Variants in CNTN5 observed in about 807,000 individuals in gnomAD.
CNTN5 encodes the protein contactin 5.
A neutral mutation model predicts 129.1 loss-of-function variants in CNTN5; 77 were observed. That is an observed-to-expected ratio of 0.60 (90% CI 0.50 to 0.72). The LOEUF is 0.72. CNTN5 is among the 30% of genes least tolerant of loss of function. The pLI, the probability that CNTN5 is intolerant of heterozygous loss-of-function variation, is 0.00. For missense variants in CNTN5, 1,478 were observed against 1,328.8 expected (o/e 1.11, Z -1.75); for synonymous variants, 509 against 465.6 (o/e 1.09, Z -1.20).
intron 8 of CNTN5, among the ~76,000 whole-genome samples, chr11:99,969,703 T>G (rs1045373145): frequency 2.0e-5 from 3 of 152,144 alleles, no homozygotes; most frequent in African/African-American, 7.2e-5. Context: ...TGGCAGTTTG[T>G]TCTCCCAAAC....
intron 2 of CNTN5, among the ~76,000 whole-genome samples, chr11:99,439,623 G>C (rs7122498): frequency 6.9e-6 from 1 of 143,948 alleles, no homozygotes; most frequent in Non-Finnish European, 1.5e-5. Flanking sequence ...CAGGAGAATC[G>C]CTTGAACCCG....
intron 10 of CNTN5, 123 bp from the exon 11 acceptor site, chr11:100,070,301 A>G (rs207472260): frequency 3.0e-6 from 3 of 1,007,450 alleles, no homozygotes; most frequent in African/African-American, 1.6e-5. Flanking sequence ...TGCTTCTTCA[A>G]AATACCTATG....
chr11:99,341,929 T>C (rs1013734930), intron 2 of CNTN5, among the ~76,000 whole-genome samples: 3 of 152,140 alleles, frequency 2.0e-5, no homozygotes, highest in Non-Finnish European at 4.4e-5. Context: ...AAAACACTGA[T>C]GTAATTAGCA....
chr11:99,722,835 C>T (rs889146388), intron 3 of CNTN5, among the ~76,000 whole-genome samples: 7 of 151,804 alleles, frequency 4.6e-5, no homozygotes, highest in Non-Finnish European at 8.8e-5. Flanking sequence ...GTATATGGGG[C>T]CTCCACTCCC....
chr11:99,418,623 T>G (rs1054867090), intron 2 of CNTN5, among the ~76,000 whole-genome samples: 1 of 152,322 alleles, frequency 6.6e-6, no homozygotes, highest in Non-Finnish European at 1.5e-5. Context: ...ACTAACCTGA[T>G]GCACTTCATT....
At chr11:99,917,085 T>A (rs1180940888) in intron 7 of CNTN5, among the ~76,000 whole-genome samples, 2 of 152,170 alleles carry the variant, frequency 1.3e-5, no homozygotes, top group Admixed American at 6.6e-5. Flanking sequence ...TTCTTAAGAC[T>A]TCTTTATCTT....
chr11:99,083,524 G>A (rs1237734537), intron 1 of CNTN5, among the ~76,000 whole-genome samples: 1 of 152,046 alleles, frequency 6.6e-6, no homozygotes, highest in African/African-American at 2.4e-5. Flanking sequence ...TTCCTAATTA[G>A]TGTATAATAT....
chr11:99,317,829 A>G (rs1197410151), intron 1 of CNTN5, among the ~76,000 whole-genome samples: 2 of 152,204 alleles, frequency 1.3e-5, no homozygotes, highest in Non-Finnish European at 2.9e-5. Context: ...TACTGTAAAA[A>G]AAAAGAAAAC....
chr11:99,535,165 T>G (rs1029701466), intron 2 of CNTN5, among the ~76,000 whole-genome samples: 4 of 152,034 alleles, frequency 2.6e-5, no homozygotes, highest in African/African-American at 7.2e-5. Flanking sequence ...TCTGTAAGTG[T>G]AAAAAACAAA....
At chr11:99,165,686 GT>G (rs1352659406) in intron 1 of CNTN5, among the ~76,000 whole-genome samples, 4 of 152,042 alleles carry the variant, frequency 2.6e-5, no homozygotes, top group Non-Finnish European at 4.4e-5. Context: ...AGAATGCAGG[GT>G]TTTTGCATTT....
At chr11:100,167,942 A>G (rs537381902) in intron 13 of CNTN5, among the ~76,000 whole-genome samples, 1 of 151,970 alleles carries the variant, frequency 6.6e-6, no homozygotes, top group Non-Finnish European at 1.5e-5. Context: ...AAATGATAAG[A>G]GTGCACAACA....
chr11:99,704,331 T>C (rs1301858829), intron 3 of CNTN5, among the ~76,000 whole-genome samples: 2 of 150,896 alleles, frequency 1.3e-5, no homozygotes, highest in African/African-American at 2.4e-5. Flanking sequence ...GAATTGGAGG[T>C]AAAAATTAAA....
intron 9 of CNTN5, among the ~76,000 whole-genome samples, chr11:100,010,125 G>A (rs1412832505): frequency 6.6e-6 from 1 of 152,100 alleles, no homozygotes; most frequent in African/African-American, 2.4e-5. Flanking sequence ...AATCCCTTAG[G>A]ACCCTAATAA....
chr11:99,597,821 C>T lies in CNTN5; in HGVS notation c.55+41552C>T, dbSNP rs142216112. ...CAATGAGTAATCACCCCACAGCTTTCTCCGGTATTTTTCACTTCTGGATGC... is the reference window on the plus strand; with the variant it reads ...CAATGAGTAATCACCCCACAGCTTTTTCCGGTATTTTTCACTTCTGGATGC... On this transcript the variant is annotated intron_variant, in intron 3 of 24. Coordinates refer to ENST00000524871, the MANE Select transcript of CNTN5 (RefSeq NM_014361.4). Among the ~76,000 whole-genome samples, 9 of 152,222 alleles carry T rather than the reference C, an allele frequency of 5.9e-5. No homozygotes were observed. The East Asian group carries it at 1.7e-3, about 29-fold the overall frequency.
At chr11:100,323,307 TTG>T (rs1951728702) in intron 21 of CNTN5, among the ~76,000 whole-genome samples, 1 of 152,224 alleles carries the variant, frequency 6.6e-6, no homozygotes, top group Non-Finnish European at 1.5e-5. Flanking sequence ...AATTTCTATT[TTG>T]TGTTTTCAAC....
intron 8 of CNTN5, among the ~76,000 whole-genome samples, chr11:99,987,717 A>C (rs775563061): frequency 2.5e-4 from 38 of 152,076 alleles, no homozygotes; most frequent in African/African-American, 8.9e-4. Context: ...TGCAAACAAT[A>C]TGAATGTTTC....
At chr11:99,156,340 A>T (rs1475316902) in intron 1 of CNTN5, among the ~76,000 whole-genome samples, 2 of 152,080 alleles carry the variant, frequency 1.3e-5, no homozygotes, top group Non-Finnish European at 2.9e-5. Flanking sequence ...CAATTAAAAC[A>T]ATAATTAAAA....
intron 3 of CNTN5, among the ~76,000 whole-genome samples, chr11:99,804,787 G>T (rs993870187): frequency 6.6e-6 from 1 of 150,378 alleles, no homozygotes; most frequent in East Asian, 1.9e-4. Flanking sequence ...ACAGAATATG[G>T]TAAAATGATT....
intron 1 of CNTN5, among the ~76,000 whole-genome samples, chr11:99,075,947 A>T (rs2135264853): frequency 6.6e-6 from 1 of 152,352 alleles, no homozygotes; most frequent in East Asian, 1.9e-4. Flanking sequence ...TATCATTTAA[A>T]ATTAAGTAAC....
Sources: allele counts gnomAD v4.1 joint callset (sites outside exome capture counted in the v4.1 genomes callset), GRCh38; gene constraint gnomAD v4.1.1; transcripts MANE v1.5; gene names NCBI Gene and HGNC (gene_info 2026-07-23, HGNC 2026-07-21).